LYST: variants seen among roughly 807,000 people sequenced by gnomAD.
LYST encodes lysosomal-trafficking regulator.
Under a neutral mutation model 413.6 loss-of-function variants are expected in LYST, and 192 were observed. The ratio of observed to expected loss-of-function variants is 0.46; its 90% CI spans 0.41 to 0.52. The LOEUF (loss-of-function observed/expected upper bound fraction) is 0.52, where lower values mean the gene tolerates loss of function less well. LYST is among the 20% of genes least tolerant of loss of function. The pLI is 0.00. For synonymous variants in LYST, 1,525 were observed against 1,567.3 expected (o/e 0.97, Z 0.64); for missense variants, 3,815 against 4,499.9 (o/e 0.85, Z 4.35).
intron 5 of LYST, among the ~76,000 whole-genome samples, chr1:235,808,124 A>G (rs929701939): frequency 6.6e-6 from 1 of 152,196 alleles, no homozygotes; most frequent in African/African-American, 2.4e-5. Context: ...TCTCAGTTGT[A>G]TATCTAAAAC....
chr1:235,851,201 T>TG (rs1678489271), intron 1 of LYST, among the ~76,000 whole-genome samples: 1 of 151,960 alleles, frequency 6.6e-6, no homozygotes, highest in Non-Finnish European at 1.5e-5. Flanking sequence ...TATATATATA[T>TG]ATGATGAAAT....
intron 19 of LYST, among the ~76,000 whole-genome samples, chr1:235,772,708 A>C (rs965808526): frequency 5.9e-5 from 9 of 152,274 alleles, no homozygotes; most frequent in African/African-American, 2.2e-4. Context: ...ACTCCTGGCC[A>C]GCATGGCTCC....
intron 28 of LYST, among the ~76,000 whole-genome samples, chr1:235,747,676 A>G (rs1666062627): frequency 6.6e-6 from 1 of 152,208 alleles, no homozygotes; most frequent in Admixed American, 6.6e-5. Flanking sequence ...GATGATTGTA[A>G]TTCAGCGGTA....
At chr1:235,828,271 T>C in intron 3 of LYST, 2 of 449,704 alleles carry the variant, frequency 4.4e-6, no homozygotes, top group Non-Finnish European at 5.9e-6. Context: ...GGTAGGGGAA[T>C]GGAAGGGATA....
chr1:235,716,892 A>G (rs757739442), intron 40 of LYST, 114 bp from the exon 41 acceptor site: 115 of 671,294 alleles, frequency 1.7e-4, no homozygotes, highest in Non-Finnish European at 2.8e-4. Flanking sequence ...CTCCACCCTT[A>G]TTTCTCTGCT....
chr1:235,689,905 T>C (rs985970531), intron 47 of LYST, among the ~76,000 whole-genome samples: 1 of 152,240 alleles, frequency 6.6e-6, no homozygotes, highest in Non-Finnish European at 1.5e-5. Context: ...AAAAACAATT[T>C]GACTAAATGC....
chr1:235,738,312 G>A, intron 31 of LYST: 1 of 1,611,846 alleles, frequency 6.2e-7, no homozygotes, highest in Non-Finnish European at 8.5e-7. Flanking sequence ...GAGGGAGAAA[G>A]CCATCTTAAT....
At chr1:235,757,794 T>G (rs1010925158) in intron 23 of LYST, among the ~76,000 whole-genome samples, 3 of 152,194 alleles carry the variant, frequency 2.0e-5, no homozygotes, top group Admixed American at 6.5e-5. Context: ...ATGTGGCTAG[T>G]GCTGACTGTA....
At chr1:235,697,391 G>T in intron 45 of LYST, 119 bp from the exon 46 acceptor site, 1 of 715,666 alleles carries the variant, frequency 1.4e-6, no homozygotes, top group South Asian at 1.9e-5. Flanking sequence ...CTCTGTAAGG[G>T]CAATAATTAT....
intron 52 of LYST, 58 bp from the exon 53 acceptor site, chr1:235,663,136 T>C (rs1658167200): frequency 1.2e-5 from 14 of 1,214,018 alleles, no homozygotes; most frequent in Non-Finnish European, 1.6e-5. Context: ...TGTATTAGCA[T>C]ATTGGTCATC....
chr1:235,827,358 G>A (rs1301743179), intron 3 of LYST: 6 of 841,390 alleles, frequency 7.1e-6, no homozygotes, highest in South Asian at 1.1e-4. Flanking sequence ...GAAAAAGTGA[G>A]ACTCTGTCTC....
rs371243857 is a variant in LYST, at chr1:235,709,246, C to T, written c.9988G>A (p.Ala3330Thr). 7 of 1,613,968 alleles carry T rather than the reference C, an allele frequency of 4.3e-6. No individual in the cohort carries two copies. The highest frequency in any genetic ancestry group is 4.0e-5 in the African/African-American group (3 of 74,890). ...RVNHVNLPPW[A>T]RNDPRLFILI... ...ATAAAAAGACGAGGATCATTACGCG[C>T]CCAAGGGGGAAGGTTGACGTGATTA... Residue 3330 changes from alanine to threonine, a missense_variant, in exon 44 of 53, where the codon GCG becomes ACG. This residue lies in a region of LYST where 866 missense variants were observed against 1,156.0 expected (regional missense o/e 0.75). Coordinates refer to ENST00000389793, the MANE Select transcript of LYST (RefSeq NM_000081.4).
chr1:235,696,899 A>G (rs1473987760), intron 46 of LYST, among the ~76,000 whole-genome samples, 184 bp downstream of exon 46: 3 of 152,216 alleles, frequency 2.0e-5, no homozygotes, highest in African/African-American at 7.2e-5. Flanking sequence ...CATTTCAAAT[A>G]GCACTGCATT....
intron 38 of LYST, among the ~76,000 whole-genome samples, chr1:235,725,862 A>G (rs1663822220): frequency 6.6e-6 from 1 of 152,174 alleles, no homozygotes; most frequent in African/African-American, 2.4e-5. Context: ...GTACTCAGAC[A>G]AATCCCCACA....
intron 21 of LYST, 143 bp downstream of exon 21, chr1:235,765,936 T>C: frequency 1.4e-6 from 1 of 737,904 alleles, no homozygotes; most frequent in Non-Finnish European, 2.5e-6. Context: ...TAGTTCATTC[T>C]ATAACTCTCT....
At chr1:235,667,753 G>A (rs1658611889) in intron 50 of LYST, among the ~76,000 whole-genome samples, 1 of 151,428 alleles carries the variant, frequency 6.6e-6, no homozygotes, top group Non-Finnish European at 1.5e-5. Context: ...TGCAACCTCC[G>A]CTTCCTTCAA....
At chr1:235,677,979 C>T (rs937345122) in intron 48 of LYST, among the ~76,000 whole-genome samples, 2 of 152,012 alleles carry the variant, frequency 1.3e-5, no homozygotes, top group Non-Finnish European at 2.9e-5. Context: ...TTATAATATT[C>T]TATACAGTTA....
At chr1:235,711,486 T>A (rs1662396284) in intron 43 of LYST, among the ~76,000 whole-genome samples, 1 of 152,204 alleles carries the variant, frequency 6.6e-6, no homozygotes, top group African/African-American at 2.4e-5. Context: ...ATTATAGAAT[T>A]AAGTAATATA....
At position 235,761,974 on chromosome 1, in the gene LYST, C is replaced by G. The variant is rs1316918266; in HGVS notation, c.6253+746G>C. The stretch of plus-strand genomic sequence containing the variant: ...AACATCACACACCAGGGCCTGTTGT[C>G]GGGTGGGGGGAGGGGGGAGGGATAG... On this transcript the variant is annotated intron_variant, in intron 22 of 52. Transcript: ENST00000389793. Among the ~76,000 whole-genome samples the G allele has an allele frequency of 1.3e-4, 11 of 82,878 alleles. 1 individual carries two copies. Among genetic ancestry groups the G allele is most frequent in the African/African-American group, 6.5e-4 (10 of 15,408 alleles). 54.4% of individuals were successfully genotyped at this position (82,878 alleles called of 152,430 possible). A position where few individuals can be genotyped will look rare whatever the true frequency, so the allele number is the denominator to read the frequency against.
Sources: allele counts gnomAD v4.1 joint callset (sites outside exome capture counted in the v4.1 genomes callset), GRCh38; gene constraint gnomAD v4.1.1; regional missense constraint gnomAD v4.1.1; transcripts MANE v1.5; gene names NCBI Gene and HGNC (gene_info 2026-07-23, HGNC 2026-07-21).